Variants in DDIAS observed in about 807,000 individuals in gnomAD.
DDIAS encodes DNA damage-induced apoptosis suppressor protein.
Under a neutral mutation model 15.7 loss-of-function variants are expected in DDIAS, and 14 were observed. That is an observed-to-expected ratio of 0.89 (90% CI 0.59 to 1.39). DDIAS has a LOEUF of 1.39. Ranked by LOEUF, DDIAS falls within the 40% of genes most tolerant of loss-of-function variation. The probability of loss-of-function intolerance (pLI) is 0.00; values close to 1 mark genes in which losing one functional copy is unlikely to be tolerated. For missense variants in DDIAS, 1,035 were observed against 1,130.9 expected, an observed-to-expected ratio of 0.92 and a Z score of 1.22; for synonymous variants, 355 against 395.9, an observed-to-expected ratio of 0.90 and a Z score of 1.23.
chr11:82,927,300 A>G (rs535280060), intron 3 of DDIAS, among the ~76,000 whole-genome samples: 167 of 152,346 alleles, frequency 1.1e-3, no homozygotes, highest in African/African-American at 3.8e-3. Flanking sequence ...CTAGTGAGTC[A>G]ATTACCTTTA....
Position 82,931,920 on chromosome 11 carries a change from G to C in DDIAS, c.582G>C (p.Gln194His), listed in dbSNP as rs756414012. The C allele has an allele frequency of 6.2e-7, 1 of 1,614,108 alleles. No individual in the cohort carries two copies. Among genetic ancestry groups the C allele is most frequent in the South Asian group, 1.1e-5 (1 of 91,082 alleles). Residue 194 changes from glutamine (Q) to histidine (H), a missense_variant, in exon 6 of 6, where the codon CAG (glutamine) becomes CAC (histidine). Coordinates refer to ENST00000533655, the MANE Select transcript of DDIAS (RefSeq NM_145018.4). ...LLQTFNFRKL[Q>H]CDSQAPNNHL... ...AGACTTTTAATTTCAGGAAACTTCA[G>C]TGTGACTCTCAGGCACCTAACAATC...
chr11:82,924,741 A>C (rs1165475266), intron 3 of DDIAS, among the ~76,000 whole-genome samples: 1 of 152,050 alleles, frequency 6.6e-6, no homozygotes, highest in African/African-American at 2.4e-5. Flanking sequence ...CTTGAGCCTG[A>C]GCGGTCAAGG....
intron 1 of DDIAS, chr11:82,909,193 G>T (rs182926337): frequency 6.6e-6 from 1 of 152,294 alleles, no homozygotes; most frequent in Non-Finnish European, 1.5e-5. Flanking sequence ...ACAAGGGGTG[G>T]ATTATTTGTG....
chr11:82,904,771 G>A (rs1318713553), intron 1 of DDIAS, among the ~76,000 whole-genome samples: 3 of 152,138 alleles, frequency 2.0e-5, no homozygotes, highest in African/African-American at 4.8e-5. Context: ...GGGATGCAGA[G>A]GTTGTAATCA....
At chr11:82,926,571 A>G (rs927476082) in intron 3 of DDIAS, among the ~76,000 whole-genome samples, 6 of 152,210 alleles carry the variant, frequency 3.9e-5, no homozygotes, top group African/African-American at 1.4e-4. Flanking sequence ...CGGGACGGTG[A>G]TGTGAATATG....
Position 82,910,606 on chromosome 11 carries a change from C to CTTTT in DDIAS, c.-116-2657_-116-2654dup, listed in dbSNP as rs869173859. On this transcript the variant is annotated intron_variant, in intron 1 of 5. Coordinates refer to ENST00000533655, the MANE Select transcript of DDIAS (RefSeq NM_145018.4). ...CTTTTAATTTTTTCTCTCTCTCTCT[C>CTTTT]TTTTTTTTTTTTTTTTTTTTTTTTT... Among the ~76,000 whole-genome samples, 70 of 89,118 alleles carry CTTTT rather than the reference C, an allele frequency of 7.9e-4. 2 individuals carry two copies. Among genetic ancestry groups the CTTTT allele is most frequent in the African/African-American group, 2.0e-3 (38 of 18,716 alleles). 58.5% of individuals were successfully genotyped at this position (89,118 alleles called of 152,430 possible).
At chr11:82,926,581 G>A (rs974617902) in intron 3 of DDIAS, among the ~76,000 whole-genome samples, 2 of 152,178 alleles carry the variant, frequency 1.3e-5, no homozygotes, top group Admixed American at 6.5e-5. Context: ...ATGTGAATAT[G>A]TTGTCTATAT....
At chr11:82,915,318 A>G (rs1317685984) in intron 3 of DDIAS, among the ~76,000 whole-genome samples, 3 of 152,222 alleles carry the variant, frequency 2.0e-5, no homozygotes, top group Non-Finnish European at 4.4e-5. Context: ...TGGTGCTCAG[A>G]TGCAAGCCAA....
At position 82,933,344 on chromosome 11, in the gene DDIAS, A is replaced by G; in HGVS notation, c.2006A>G (p.Tyr669Cys). 6.2e-7 allele frequency: 1 copy of G among 1,614,082 alleles called. No individual in the cohort carries two copies. The highest frequency in any genetic ancestry group is 8.5e-7 in the Non-Finnish European group (1 of 1,179,988). ...GTAACACAGAGCTATTCTATTGGTT[A>G]TGAAGGTAGCTATGATGCCTCTGCT... ...NNVTQSYSIG[Y>C]EGSYDASADL... The change falls in exon 6 of 6, where the codon TAT becomes TGT. Residue 669 changes from tyrosine (Y) to cysteine (C), a missense_variant. Tyr to Cys is a radical substitution (Grantham distance 194). Coordinates refer to ENST00000533655, the MANE Select transcript of DDIAS (RefSeq NM_145018.4).
Position 82,933,582 on chromosome 11 carries a change from C to T in DDIAS, c.2244C>T (p.Cys748=), listed in dbSNP as rs1298743128. Reference sequence around the variant, plus strand: ...CTGACTCTAGGCATTCAAGAACATGCTCTCCAACACCTCATTTTCAATCAG... The same window carrying T: ...CTGACTCTAGGCATTCAAGAACATGTTCTCCAACACCTCATTTTCAATCAG... ...SLSDSRHSRT[C]SPTPHFQSDS... The change falls in exon 6 of 6, where the codon TGC becomes TGT. Residue 748 remains cysteine (C), a synonymous_variant. Transcript: ENST00000533655. 1 of 1,613,838 alleles carries T rather than the reference C, an allele frequency of 6.2e-7. No individual in the cohort carries two copies. The highest frequency in any genetic ancestry group is 1.1e-5 in the South Asian group (1 of 90,992).
chr11:82,910,255 T>A (rs1485198744), intron 1 of DDIAS, among the ~76,000 whole-genome samples: 1 of 151,258 alleles, frequency 6.6e-6, no homozygotes, highest in Non-Finnish European at 1.5e-5. Context: ...CTAATCCATT[T>A]AAAAAATTAG....
Position 82,934,218 on chromosome 11 carries a change from C to A in DDIAS, c.2880C>A (p.His960Gln), listed in dbSNP as rs1197042890. The part of the protein sequence containing the change: ...DIQVLAAPQL[H>Q]PILGPDSCSE... ...AAGTCTTAGCAGCACCTCAGCTGCA[C>A]CCTATTCTTGGACCTGATTCTTGTT... The change falls in exon 6 of 6, where the codon CAC (histidine) becomes CAA (glutamine). Residue 960 changes from histidine to glutamine, a missense_variant. Transcript: ENST00000533655. 1.2e-6 allele frequency: 2 copies of A among 1,614,126 alleles called. No homozygotes were observed. Among genetic ancestry groups the A allele is most frequent in the African/African-American group, 2.7e-5 (2 of 75,062 alleles).
At chr11:82,927,333 A>C (rs1590810028) in intron 3 of DDIAS, among the ~76,000 whole-genome samples, 2 of 152,224 alleles carry the variant, frequency 1.3e-5, no homozygotes, top group Admixed American at 6.5e-5. Flanking sequence ...GCTAACCTAC[A>C]GCACAAACTC....
chr11:82,927,521 T>C (rs1860886884), intron 3 of DDIAS, among the ~76,000 whole-genome samples: 1 of 152,174 alleles, frequency 6.6e-6, no homozygotes, highest in African/African-American at 2.4e-5. Context: ...CACCTTGCTT[T>C]CTGTTTGCCT....
Position 82,914,847 on chromosome 11 carries a change from A to C in DDIAS, c.109A>C (p.Lys37Gln), listed in dbSNP as rs199579071. Residue 37 changes from lysine (K) to glutamine (Q), a missense_variant, in exon 3 of 6, where the codon AAA (lysine) becomes CAA (glutamine). By Grantham distance (53) the Lys-to-Gln change is moderately conservative. Transcript: ENST00000533655. ...CTTCTCTAGGATAATCCTGGTCTCC[A>C]AAAGGTAAAAGTAAAGTCTGTAAGT... ...KCFSRIILVS[K>Q]RSNCPKCGST... The C allele has an allele frequency of 1.2e-5, 18 of 1,554,028 alleles. No individual in the cohort carries two copies. The highest frequency in any genetic ancestry group is 7.1e-6 in the Non-Finnish European group (8 of 1,128,662).
In DDIAS at chr11:82,910,592, TTCTC is replaced by T. The variant is rs201976654; in HGVS notation, c.-116-2683_-116-2680del. ...TGCCACAGATCAAGCTTTTAATTTTTTCTCTCTCTCTCTCTTTTTTTTTTTTTTT... is the reference window on the plus strand; with the variant it reads ...TGCCACAGATCAAGCTTTTAATTTTTTCTCTCTCTCTTTTTTTTTTTTTTT... On this transcript the variant is annotated intron_variant, in intron 1 of 5. Transcript: ENST00000533655. 2.2e-4 allele frequency among the ~76,000 whole-genome samples: 30 copies of T among 139,296 alleles called. 3 individuals carry two copies. Among genetic ancestry groups the T allele is most frequent in the African/African-American group, 5.0e-4 (17 of 33,932 alleles). 91.4% of individuals were successfully genotyped at this position (139,296 alleles called of 152,430 possible).
At position 82,930,273 on chromosome 11, in the gene DDIAS, C is replaced by T. The variant is rs146887767; in HGVS notation, c.392C>T (p.Thr131Met). 301 of 1,522,378 alleles carry T rather than the reference C, an allele frequency of 2.0e-4. No homozygotes were observed. The highest frequency in any genetic ancestry group is 2.5e-4 in the Non-Finnish European group (274 of 1,108,056). The allele number at this position is 1,522,378 out of a possible 1,614,324, so 94.3% of individuals were successfully genotyped here. A position where few individuals can be genotyped will look rare whatever the true frequency, so the allele number is the denominator to read the frequency against. ...FVGQSFIFGV[T>M]NFENQPGQGS... ...GGACAAAGCTTTATTTTTGGAGTGA[C>T]GGTAATTGAGACTAGCTTTCTTTTT... The change falls in exon 5 of 6, where the codon ACG (threonine) becomes ATG (methionine). Residue 131 changes from threonine (T) to methionine (M), a missense_variant and splice_region_variant. By Grantham distance (81) the Thr-to-Met change is moderately conservative. Coordinates refer to ENST00000533655, the MANE Select transcript of DDIAS (RefSeq NM_145018.4).
At chr11:82,926,010 T>A (rs1039019100) in intron 3 of DDIAS, among the ~76,000 whole-genome samples, 1 of 151,512 alleles carries the variant, frequency 6.6e-6, no homozygotes, top group Non-Finnish European at 1.5e-5. Flanking sequence ...ATTTTGACTA[T>A]GGTAATCATT....
chr11:82,920,731 T>A (rs1465696306), intron 3 of DDIAS, among the ~76,000 whole-genome samples: 1 of 152,214 alleles, frequency 6.6e-6, no homozygotes, highest in Non-Finnish European at 1.5e-5. Flanking sequence ...CACTATGGCC[T>A]GAGAGAGTGC....
Sources: gnomAD v4.1 joint callset for allele counts (sites outside exome capture counted in the v4.1 genomes callset) on GRCh38, gnomAD v4.1.1 for gene constraint, MANE v1.5 for transcripts, NCBI Gene and HGNC (gene_info 2026-07-23, HGNC 2026-07-21) for gene names.